Variants in KLHDC1 observed in about 807,000 individuals in gnomAD.
The protein encoded by KLHDC1 is kelch domain-containing protein 1.
A neutral mutation model predicts 68.3 loss-of-function variants in KLHDC1; 53 were observed. The ratio of observed to expected loss-of-function variants is 0.78; its 90% CI spans 0.62 to 0.98. The LOEUF (loss-of-function observed/expected upper bound fraction) is 0.98, where lower values mean the gene tolerates loss of function less well. Ranked by LOEUF, KLHDC1 falls within the 50% of genes least tolerant of loss-of-function variation. The pLI is 0.00. For synonymous variants in KLHDC1, 148 were observed against 159.0 expected, an observed-to-expected ratio of 0.93 and a Z score of 0.52; for missense variants, 470 against 492.3, an observed-to-expected ratio of 0.95 and a Z score of 0.43.
chr14:49,729,561 T>A lies in KLHDC1; in HGVS notation c.710+13T>A. ...CTTGGTCTGGAAGGTAAGTTTGAAG[T>A]CTAAGTACGTTTTAATCTATAGGCA... On this transcript the variant is annotated intron_variant, in intron 8 of 12. Transcript: ENST00000359332. 1 of 1,565,004 alleles carries A rather than the reference T, an allele frequency of 6.4e-7. No homozygotes were observed. The highest frequency in any genetic ancestry group is 1.1e-5 in the South Asian group (1 of 89,774).
intron 3 of KLHDC1, 66 bp downstream of exon 3, chr14:49,709,892 A>G (rs1479384653): frequency 2.7e-6 from 2 of 754,670 alleles, no homozygotes. Context: ...TCATCTCACA[A>G]GTTACAAATA....
Position 49,693,123 on chromosome 14 carries a change from C to A in KLHDC1, c.-72C>A. ...GCGTTCCGTTCGTGCGTGGAGCAGT[C>A]GGGGCTGGAGGCGAGGCCGCCGGGC... On this transcript the variant is annotated 5_prime_UTR_variant, in exon 1 of 13. Transcript: ENST00000359332. 3.0e-6 allele frequency: 4 copies of A among 1,326,368 alleles called. No homozygotes were observed. The highest frequency in any genetic ancestry group is 3.1e-6 in the Non-Finnish European group (3 of 965,522). 82.2% of individuals were successfully genotyped at this position (1,326,368 alleles called of 1,614,324 possible). A position where few individuals can be genotyped will look rare whatever the true frequency, so the allele number is the denominator to read the frequency against.
intron 4 of KLHDC1, 117 bp from the exon 5 acceptor site, chr14:49,723,757 C>T: frequency 4.9e-6 from 3 of 607,590 alleles, no homozygotes; most frequent in East Asian, 5.8e-5. Context: ...GCTCTTTATT[C>T]TTTTTAAACT....
chr14:49,743,742 G>C lies in KLHDC1; in HGVS notation c.982-11G>C. The stretch of plus-strand genomic sequence containing the variant: ...TCAAAAACTTAATAATGCCTTTTTT[G>C]TGTTGATTAGGGTCACTGTAATGAT... On this transcript the variant is annotated splice_polypyrimidine_tract_variant and intron_variant, in intron 11 of 12. Coordinates refer to ENST00000359332, the MANE Select transcript of KLHDC1 (RefSeq NM_172193.3). 6.5e-7 allele frequency: 1 copy of C among 1,549,466 alleles called. No homozygotes were observed. The highest frequency in any genetic ancestry group is 8.8e-7 in the Non-Finnish European group (1 of 1,134,120).
At chr14:49,722,332 T>C (rs1160302250) in intron 4 of KLHDC1, among the ~76,000 whole-genome samples, 3 of 152,240 alleles carry the variant, frequency 2.0e-5, no homozygotes, top group African/African-American at 7.2e-5. Flanking sequence ...GTTCTCATTG[T>C]TCAGTTCCCA....
At chr14:49,726,250 T>C (rs1888668689) in intron 6 of KLHDC1, among the ~76,000 whole-genome samples, 1 of 152,180 alleles carries the variant, frequency 6.6e-6, no homozygotes, top group Non-Finnish European at 1.5e-5. Flanking sequence ...GAACCGTAGA[T>C]GGCACTTGTA....
At chr14:49,717,079 T>C (rs1888397706) in intron 4 of KLHDC1, among the ~76,000 whole-genome samples, 1 of 152,236 alleles carries the variant, frequency 6.6e-6, no homozygotes, top group South Asian at 2.1e-4. Flanking sequence ...TATTCCACTG[T>C]ATGTATATAC....
chr14:49,725,477 G>C, intron 5 of KLHDC1: 3 of 426,732 alleles, frequency 7.0e-6, no homozygotes, highest in Non-Finnish European at 1.3e-5. Flanking sequence ...ACAATACTAT[G>C]AGAAGAAAAG....
intron 11 of KLHDC1, among the ~76,000 whole-genome samples, chr14:49,740,516 T>C (rs918445797): frequency 3.3e-5 from 5 of 152,108 alleles, no homozygotes; most frequent in Admixed American, 3.3e-4. Flanking sequence ...TTTTTGTATT[T>C]TTAGTAGAGA....
chr14:49,713,671 G>T (rs182989809), intron 4 of KLHDC1, among the ~76,000 whole-genome samples: 148 of 150,652 alleles, frequency 9.8e-4, no homozygotes, highest in African/African-American at 3.5e-3. Flanking sequence ...GGATCGCTTG[G>T]GGCCAGAAGT....
intron 1 of KLHDC1, among the ~76,000 whole-genome samples, chr14:49,701,441 A>G (rs1000850869): frequency 9.9e-5 from 15 of 151,648 alleles, no homozygotes; most frequent in African/African-American, 1.7e-4. Context: ...GGATGGATCA[A>G]CTGACATTGG....
At position 49,705,679 on chromosome 14, in the gene KLHDC1, C is replaced by A. The variant is rs142273878; in HGVS notation, c.97-3480C>A. ...CCACTGTGCCCAGCCTATAATATTT[C>A]TTTTGTAAAGGAGTACACATGAGGC... On this transcript the variant is annotated intron_variant, in intron 1 of 12. Transcript: ENST00000359332. Among the ~76,000 whole-genome samples the A allele has an allele frequency of 1.4e-4, 21 of 152,074 alleles. 1 individual carries two copies. In the East Asian group the frequency reaches 3.3e-3, roughly 24 times the overall value.
intron 6 of KLHDC1, among the ~76,000 whole-genome samples, chr14:49,727,748 T>C (rs1336545323): frequency 6.6e-6 from 1 of 152,224 alleles, no homozygotes; most frequent in Non-Finnish European, 1.5e-5. Context: ...TTAAGTGTTA[T>C]ATAGGTAATA....
intron 1 of KLHDC1, chr14:49,707,661 T>TTG (rs1192303065): frequency 7.0e-6 from 1 of 142,760 alleles, no homozygotes; most frequent in Non-Finnish European, 1.5e-5. Context: ...TTTTTTTTTT[T>TTG]TTTTTAAGAA....
At chr14:49,707,297 T>TGTGAGA (rs926974146) in intron 1 of KLHDC1, among the ~76,000 whole-genome samples, 8 of 120,854 alleles carry the variant, frequency 6.6e-5, no homozygotes, top group African/African-American at 2.5e-4. Context: ...TGTGTGTGTG[T>TGTGAGA]GAGAGAGAGA....
At chr14:49,732,590 G>A (rs1366803916) in intron 8 of KLHDC1, 114 bp from the exon 9 acceptor site, 1 of 496,890 alleles carries the variant, frequency 2.0e-6, no homozygotes, top group Non-Finnish European at 3.5e-6. Flanking sequence ...GGTGGGACTA[G>A]TAAAAGTTTT....
intron 1 of KLHDC1, among the ~76,000 whole-genome samples, chr14:49,698,235 G>T (rs1887797610): frequency 6.6e-6 from 1 of 152,152 alleles, no homozygotes; most frequent in Non-Finnish European, 1.5e-5. Flanking sequence ...ACGGAGTCTT[G>T]CTCTGTCGCC....
In KLHDC1 at chr14:49,753,102, T is replaced by C. The variant is rs1475498937; in HGVS notation, c.*1330T>C. On this transcript the variant is annotated 3_prime_UTR_variant, in exon 13 of 13. Coordinates refer to ENST00000359332, the MANE Select transcript of KLHDC1 (RefSeq NM_172193.3). ...GTACAAAGTGTATATAATTACTGTTTTCTTTTTTGTCAGTGTAAAGCAGTC... is the reference window on the plus strand; with the variant it reads ...GTACAAAGTGTATATAATTACTGTTCTCTTTTTTGTCAGTGTAAAGCAGTC... 6.6e-6 allele frequency: 1 copy of C among 152,194 alleles called. No individual in the cohort carries two copies. The highest frequency in any genetic ancestry group is 1.5e-5 in the Non-Finnish European group (1 of 68,032). The allele number at this position is 152,194 out of a possible 1,614,324, so 9.4% of individuals were successfully genotyped here.
intron 4 of KLHDC1, among the ~76,000 whole-genome samples, chr14:49,721,955 A>G (rs1469736103): frequency 6.6e-6 from 1 of 152,124 alleles, no homozygotes; most frequent in African/African-American, 2.4e-5. Flanking sequence ...TTTCTTTCAG[A>G]TCTCCTGTTT....
Sources: allele counts gnomAD v4.1 joint callset (sites outside exome capture counted in the v4.1 genomes callset), GRCh38; gene constraint gnomAD v4.1.1; transcripts MANE v1.5; gene names NCBI Gene and HGNC (gene_info 2026-07-23, HGNC 2026-07-21).